The following ARID1B variants were observed in gnomAD, a reference collection of about 807,000 sequenced individuals.
The protein encoded by ARID1B is AT-rich interactive domain-containing protein 1B.
A neutral mutation model predicts 212.3 loss-of-function variants in ARID1B; 30 were observed. The ratio of observed to expected loss-of-function variants is 0.14; its 90% CI spans 0.11 to 0.19. The LOEUF (loss-of-function observed/expected upper bound fraction) is 0.19, where lower values mean the gene tolerates loss of function less well. ARID1B is among the 10% of genes least tolerant of loss of function. The probability of loss-of-function intolerance (pLI) is 1.00; values close to 1 mark genes in which losing one functional copy is unlikely to be tolerated. For missense variants in ARID1B, 2,891 were observed against 3,204.0 expected (o/e 0.90, Z 2.36); for synonymous variants, 1,402 against 1,301.7 (o/e 1.08, Z -1.66).
At position 157,181,083 on chromosome 6, in the gene ARID1B, G is replaced by A. The variant is rs759432635; in HGVS notation, c.3619G>A (p.Gly1207Ser). ...DRYLTFMEER[G>S]SPVSSLPAVG... is the part of the protein sequence containing the mutation. ...ATACCTCACCTTCATGGAAGAGAGA[G>A]GCTCTCCTGTCTCAAGTCTGCCTGC... The change falls in exon 12 of 20, where the codon GGC becomes AGC. Residue 1207 changes from glycine to serine, a missense_variant. Transcript: ENST00000636930. 6.2e-7 allele frequency: 1 copy of A among 1,614,200 alleles called. No homozygotes were observed. The highest frequency in any genetic ancestry group is 1.1e-5 in the South Asian group (1 of 91,084).
At chr6:157,122,414 C>T (rs1456279444) in intron 6 of ARID1B, among the ~76,000 whole-genome samples, 3 of 152,208 alleles carry the variant, frequency 2.0e-5, no homozygotes, top group Non-Finnish European at 2.9e-5. Context: ...GGCAGCCCAC[C>T]ACTACCCCTG....
rs2128634489 is a variant in ARID1B, at chr6:157,148,790, C to T, written c.2928C>T (p.Asn976=). 6.2e-7 allele frequency: 1 copy of T among 1,613,052 alleles called. No individual in the cohort carries two copies. Among genetic ancestry groups the T allele is most frequent in the Non-Finnish European group, 8.5e-7 (1 of 1,179,830 alleles). Residue 976 remains asparagine (N), a synonymous_variant, in exon 8 of 20, where the codon AAC becomes AAT. Transcript: ENST00000636930. The surrounding 1 kb of genome is among the most constrained non-coding windows in gnomAD (Gnocchi z 5.6). ...GAATGCCATCAGCTGGGATGCAGAACAGACCATTTCCTGGAAATATGAGCA... is the reference window on the plus strand; with the variant it reads ...GAATGCCATCAGCTGGGATGCAGAATAGACCATTTCCTGGAAATATGAGCA... ...LGRMPSAGMQ[N]RPFPGNMSSM...
intron 7 of ARID1B, among the ~76,000 whole-genome samples, chr6:157,139,746 G>C (rs1397598410): frequency 6.7e-6 from 1 of 150,256 alleles, no homozygotes; most frequent in African/African-American, 2.4e-5. Flanking sequence ...TTTTGAAGAT[G>C]GAGTTTTGCT....
chr6:157,009,847 G>A (rs542054844), intron 4 of ARID1B, among the ~76,000 whole-genome samples: 1 of 152,328 alleles, frequency 6.6e-6, no homozygotes, highest in South Asian at 2.1e-4. Flanking sequence ...TAGAATCCCT[G>A]TAGGGCCAGG....
chr6:156,994,916 G>A (rs1344352447), intron 4 of ARID1B, among the ~76,000 whole-genome samples: 1 of 152,222 alleles, frequency 6.6e-6, no homozygotes, highest in Admixed American at 6.5e-5. Flanking sequence ...CATGACGGTT[G>A]GGTTATTCTT....
chr6:157,125,958 T>G (rs1562639435), intron 6 of ARID1B, among the ~76,000 whole-genome samples: 1 of 152,262 alleles, frequency 6.6e-6, no homozygotes, highest in East Asian at 1.9e-4. Flanking sequence ...AACTAAAATT[T>G]CAGTTCCTCG....
chr6:157,027,538 T>C (rs1780738061), intron 4 of ARID1B, among the ~76,000 whole-genome samples: 1 of 152,180 alleles, frequency 6.6e-6, no homozygotes, highest in African/African-American at 2.4e-5. Flanking sequence ...GCAGGAACGT[T>C]TGGACAGGGA....
chr6:157,167,058 C>T lies in ARID1B; in HGVS notation c.3108C>T (p.Gly1036=), dbSNP rs2128290316. 1 of 1,612,100 alleles carries T rather than the reference C, an allele frequency of 6.2e-7. No homozygotes were observed. Among genetic ancestry groups the T allele is most frequent in the Non-Finnish European group, 8.5e-7 (1 of 1,180,016 alleles). The change falls in exon 9 of 20, where the codon GGC becomes GGT. Residue 1036 remains glycine (G), a synonymous_variant. Transcript: ENST00000636930. ...SAQSRQGSFP[G]MNQSGLMASS... is the part of the protein sequence containing the mutation. The stretch of plus-strand genomic sequence containing the variant: ...CCTGTAGGCAAGGCAGTTTCCCCGG[C>T]ATGAACCAGAGTGGACTTATGGCTT...
At chr6:157,082,019 G>T (rs1784659949) in intron 4 of ARID1B, among the ~76,000 whole-genome samples, 1 of 152,114 alleles carries the variant, frequency 6.6e-6, no homozygotes, top group Non-Finnish European at 1.5e-5. Flanking sequence ...TTGCCGTGTG[G>T]TGGGTACTGT....
chr6:157,107,618 T>G (rs1022261618), intron 5 of ARID1B: 1 of 152,218 alleles, frequency 6.6e-6, no homozygotes, highest in Non-Finnish European at 1.5e-5. Context: ...ATGATGGAAC[T>G]TACTCTAATT....
intron 2 of ARID1B, among the ~76,000 whole-genome samples, chr6:156,836,716 G>A (rs867425969): frequency 6.6e-6 from 1 of 152,210 alleles, no homozygotes; most frequent in Non-Finnish European, 1.5e-5. Flanking sequence ...CCAGGATGGA[G>A]TGCAGTGGCA....
In ARID1B at chr6:157,148,547, T is replaced by G; in HGVS notation, c.2762-77T>G. The G allele has an allele frequency of 6.7e-7, 1 of 1,486,896 alleles. No individual in the cohort carries two copies. The highest frequency in any genetic ancestry group is 9.1e-7 in the Non-Finnish European group (1 of 1,097,024). 92.1% of individuals were successfully genotyped at this position (1,486,896 alleles called of 1,614,324 possible). On this transcript the variant is annotated intron_variant, in intron 7 of 19. Coordinates refer to ENST00000636930, the MANE Select transcript of ARID1B (RefSeq NM_001374828.1). This position sits in a 1 kb window ranked among gnomAD's most constrained non-coding sequence, Gnocchi z 5.6. ...TAATACTCCGTGCTGATCGCATTGT[T>G]GGACAAAAAGTATTTCCAGTGAATG...
At chr6:156,962,678 C>A (rs147141578) in intron 4 of ARID1B, among the ~76,000 whole-genome samples, 9 of 152,186 alleles carry the variant, frequency 5.9e-5, no homozygotes, top group African/African-American at 2.2e-4. Context: ...AGAGATGGAT[C>A]TTCCCATGTT....
intron 4 of ARID1B, among the ~76,000 whole-genome samples, chr6:157,021,002 C>T (rs1278623491): frequency 6.6e-6 from 1 of 152,242 alleles, no homozygotes; most frequent in Non-Finnish European, 1.5e-5. Context: ...TTAGCGCTTG[C>T]CCTGAACAGC....
At chr6:157,157,429 T>C (rs530866746) in intron 8 of ARID1B, among the ~76,000 whole-genome samples, 19 of 152,332 alleles carry the variant, frequency 1.2e-4, no homozygotes, top group African/African-American at 4.3e-4. Flanking sequence ...CAATGGCCAG[T>C]GATGCCAACC....
intron 11 of ARID1B, 125 bp downstream of exon 11, chr6:157,175,130 TTATC>T (rs1792011769): frequency 8.0e-6 from 7 of 871,656 alleles, no homozygotes; most frequent in Non-Finnish European, 1.1e-5. Flanking sequence ...TCTTCATTAT[TTATC>T]CATGAAAGGG....
At chr6:157,061,190 A>G (rs1258311143) in intron 4 of ARID1B, among the ~76,000 whole-genome samples, 1 of 152,152 alleles carries the variant, frequency 6.6e-6, no homozygotes, top group Non-Finnish European at 1.5e-5. Flanking sequence ...TATACATTTT[A>G]TCATATATTT....
At position 157,105,748 on chromosome 6, in the gene ARID1B, C is replaced by T. The variant is rs182265364; in HGVS notation, c.2492-4724C>T. 5.3e-4 allele frequency among the ~76,000 whole-genome samples: 81 copies of T among 152,166 alleles called. No individual in the cohort carries two copies. The East Asian group carries it at 0.014, about 27-fold the overall frequency. On this transcript the variant is annotated intron_variant, in intron 5 of 19. Transcript: ENST00000636930. ...TCCCCAGTAGCTGTGGTTACAGGCA[C>T]GCATCACCATACCTGGCTAATTTTT...
intron 4 of ARID1B, chr6:157,072,549 A>C (rs894349284): frequency 6.6e-6 from 1 of 152,220 alleles, no homozygotes; most frequent in Admixed American, 6.5e-5. Flanking sequence ...TCTTTTCAAT[A>C]AAATTGTACT....
Sources: allele counts gnomAD v4.1 joint callset (sites outside exome capture counted in the v4.1 genomes callset), GRCh38; gene constraint gnomAD v4.1.1; non-coding constraint Gnocchi (gnomAD v3.1); transcripts MANE v1.5; gene names NCBI Gene and HGNC (gene_info 2026-07-23, HGNC 2026-07-21).